GRPEL1: variants seen among roughly 807,000 people sequenced by gnomAD.
The protein encoded by GRPEL1 is GrpE like 1, mitochondrial.
GRPEL1 carries 13 observed loss-of-function variants against 22.1 expected under a neutral mutation model. The observed-to-expected ratio is 0.59, with a 90% CI of 0.38 to 0.94. The LOEUF is 0.94. Ranked by LOEUF, GRPEL1 falls within the 40% of genes least tolerant of loss-of-function variation. The probability of loss-of-function intolerance (pLI) is 0.00; values close to 1 mark genes in which losing one functional copy is unlikely to be tolerated. For synonymous variants in GRPEL1, 109 were observed against 105.3 expected, an observed-to-expected ratio of 1.03 and a Z score of -0.21; for missense variants, 289 against 264.6, an observed-to-expected ratio of 1.09 and a Z score of -0.64.
rs771105003 is a variant in GRPEL1 at position 7,060,664 on chromosome 4, G to A, written c.*198C>T. The A allele has an allele frequency of 6.6e-6, 4 of 604,460 alleles. No individual in the cohort carries two copies. In the East Asian group the frequency reaches 8.3e-5, roughly 12 times the overall value. 37.4% of individuals were successfully genotyped at this position (604,460 alleles called of 1,614,324 possible). ...AGTATGTGGAACTATTCAACGCGTG[G>A]CACTAAAAGGGAACAGACTCCCGAA... is the stretch of plus-strand genomic sequence containing the variant. On this transcript the variant is annotated 3_prime_UTR_variant, in exon 4 of 4. Coordinates refer to ENST00000264954, the MANE Select transcript of GRPEL1 (RefSeq NM_025196.4).
At chr4:7,067,572 T>C (rs1370332484) in intron 1 of GRPEL1, 3 of 251,686 alleles carry the variant, frequency 1.2e-5, no homozygotes, top group African/African-American at 6.9e-5. Flanking sequence ...TGGACAAAGC[T>C]CGAGCTTCTT....
chr4:7,065,626 T>C (rs1438047828), intron 1 of GRPEL1, among the ~76,000 whole-genome samples: 3 of 151,606 alleles, frequency 2.0e-5, no homozygotes, highest in African/African-American at 4.9e-5. Context: ...CATGAAAGGC[T>C]TTGTAGGATA....
rs1006281299 is a variant in GRPEL1 at position 7,068,011 on chromosome 4, A to G, written c.22T>C (p.Leu8=). The G allele has an allele frequency of 3.7e-6, 6 of 1,612,734 alleles. No individual in the cohort carries two copies. The highest frequency in any genetic ancestry group is 3.4e-6 in the Non-Finnish European group (4 of 1,179,764). The change falls in exon 1 of 4, where the codon TTG becomes CTG. Residue 8 remains leucine, a synonymous_variant. Transcript: ENST00000264954. MAAQCVR[L]ARRSLPALAL... ...AAAGCAGGAAGACTGCGCCGCGCCA[A>G]CCTCACGCACTGAGCCGCCATGACT...
rs760803999 is a variant in GRPEL1 at position 7,061,224 on chromosome 4, G to T, written c.308-16C>A. 9 of 1,592,742 alleles carry T rather than the reference G, an allele frequency of 5.7e-6. No individual in the cohort carries two copies. Among genetic ancestry groups the T allele is most frequent in the Admixed American group, 3.4e-5 (2 of 58,320 alleles). On this transcript the variant is annotated splice_polypyrimidine_tract_variant and intron_variant, in intron 3 of 3. Coordinates refer to ENST00000264954, the MANE Select transcript of GRPEL1 (RefSeq NM_025196.4). ...GCTTGAATGCCTGGATGAAGTTAAA[G>T]AAGATCATTTGCACTCCATACCAAC...
intron 2 of GRPEL1, 24 bp from the exon 3 acceptor site, chr4:7,062,490 TTA>T (rs59986387): frequency 5.5e-4 from 337 of 616,146 alleles, no homozygotes; most frequent in African/African-American, 2.1e-3. Flanking sequence ...AAAGGGATAT[TTA>T]TATATATATA....
chr4:7,066,672 C>G (rs1229821502), intron 1 of GRPEL1, among the ~76,000 whole-genome samples: 1 of 152,228 alleles, frequency 6.6e-6, no homozygotes, highest in African/African-American at 2.4e-5. Flanking sequence ...AGCCACCAGC[C>G]TTTCTGCAGG....
chr4:7,063,074 C>T (rs564711210), intron 2 of GRPEL1, among the ~76,000 whole-genome samples: 18 of 151,512 alleles, frequency 1.2e-4, no homozygotes, highest in Non-Finnish European at 1.8e-4. Flanking sequence ...CACCACCTTC[C>T]GGTAAGCTCA....
At position 7,068,016 on chromosome 4, in the gene GRPEL1, A is replaced by G; in HGVS notation, c.17T>C (p.Val6Ala). Residue 6 changes from valine to alanine, a missense_variant, in exon 1 of 4, where the codon GTG (valine) becomes GCG (alanine). Coordinates refer to ENST00000264954, the MANE Select transcript of GRPEL1 (RefSeq NM_025196.4). MAAQC[V>A]RLARRSLPAL... ...AGGAAGACTGCGCCGCGCCAACCTC[A>G]CGCACTGAGCCGCCATGACTGCCAC... 6.2e-7 allele frequency: 1 copy of G among 1,612,680 alleles called. No homozygotes were observed. The highest frequency in any genetic ancestry group is 1.7e-5 in the Admixed American group (1 of 59,974).
chr4:7,063,732 T>C (rs1724096390), intron 2 of GRPEL1, among the ~76,000 whole-genome samples: 1 of 152,242 alleles, frequency 6.6e-6, no homozygotes, highest in South Asian at 2.1e-4. Flanking sequence ...CTCCCAACTC[T>C]TGTACTTGCA....
intron 2 of GRPEL1, among the ~76,000 whole-genome samples, chr4:7,063,556 A>C (rs1215706455): frequency 6.6e-6 from 1 of 152,202 alleles, no homozygotes; most frequent in Non-Finnish European, 1.5e-5. Context: ...TAACATATGT[A>C]ACGGGTTTGG....
At chr4:7,061,230 C>A in intron 3 of GRPEL1, 22 bp from the exon 4 acceptor site, 1 of 1,580,328 alleles carries the variant, frequency 6.3e-7, no homozygotes, top group South Asian at 1.2e-5. Flanking sequence ...TAAAGAAGAT[C>A]ATTTGCACTC....
chr4:7,064,067 C>T lies in GRPEL1; in HGVS notation c.219G>A (p.Glu73=), dbSNP rs1180781877. The T allele has an allele frequency of 6.2e-7, 1 of 1,614,018 alleles. No homozygotes were observed. The change falls in exon 2 of 4, where the codon GAG becomes GAA. Residue 73 remains glutamate, a synonymous_variant. Coordinates refer to ENST00000264954, the MANE Select transcript of GRPEL1 (RefSeq NM_025196.4). ...GGAGCCTCACAGTCCTCACCACAGT[C>T]TCCTTCAGCTGTTCCTCCAACTTGA... ...EKVKLEEQLK[E]TVEKYKRALA... is the part of the protein sequence containing the mutation.
intron 1 of GRPEL1, among the ~76,000 whole-genome samples, chr4:7,064,547 T>G (rs1162500733): frequency 6.6e-6 from 1 of 152,172 alleles, no homozygotes; most frequent in African/African-American, 2.4e-5. Flanking sequence ...TTCTTTTTTT[T>G]TGAGAGAGAG....
Position 7,059,479 on chromosome 4 carries a change from A to C in GRPEL1, c.*1383T>G, listed in dbSNP as rs1021208628. ...GAAAACAGGCAGCGCTGGAGCTCCC[A>C]GTCATGTTTTCTTCAATACACGATG... On this transcript the variant is annotated 3_prime_UTR_variant, in exon 4 of 4. Transcript: ENST00000264954. 2 of 152,242 alleles carry C rather than the reference A, an allele frequency of 1.3e-5. No individual in the cohort carries two copies. The highest frequency in any genetic ancestry group is 4.8e-5 in the African/African-American group (2 of 41,468). The allele number at this position is 152,242 out of a possible 1,614,324, so 9.4% of individuals were successfully genotyped here.
rs773308882 is a variant in GRPEL1, at chr4:7,065,534, TA to T, written c.63-1312del. ...TGTCTCAAAAAAAAAAAAAAGTGAT[TA>T]AAAAAAAAAAGGGAACTAAGTGCTT... On this transcript the variant is annotated intron_variant, in intron 1 of 3. Transcript: ENST00000264954. 2.2e-3 allele frequency among the ~76,000 whole-genome samples: 315 copies of T among 141,876 alleles called. 2 individuals are homozygous for T. The highest frequency in any genetic ancestry group is 0.014 in the Middle Eastern group (4 of 278). 93.1% of individuals were successfully genotyped at this position (141,876 alleles called of 152,430 possible). A position where few individuals can be genotyped will look rare whatever the true frequency, so the allele number is the denominator to read the frequency against.
chr4:7,062,443 T>G lies in GRPEL1; in HGVS notation c.249A>C (p.Ala83=). 6.3e-7 allele frequency: 1 copy of G among 1,577,572 alleles called. No individual in the cohort carries two copies. The highest frequency in any genetic ancestry group is 1.7e-4 in the Middle Eastern group (1 of 5,924). The change falls in exon 3 of 4, where the codon GCA becomes GCC. Residue 83 remains alanine (A), a synonymous_variant. Transcript: ENST00000264954. ...ETVEKYKRAL[A]DTENLRQRSQ... Reference sequence around the variant, plus strand: ...TCCTCTGCCGTAAGTTCTCAGTGTCTGCCAAAGCTCGTTTATATTTTTCCT... The same window carrying G: ...TCCTCTGCCGTAAGTTCTCAGTGTCGGCCAAAGCTCGTTTATATTTTTCCT...
At chr4:7,066,534 G>C (rs969357496) in intron 1 of GRPEL1, among the ~76,000 whole-genome samples, 2 of 152,140 alleles carry the variant, frequency 1.3e-5, no homozygotes, top group African/African-American at 4.8e-5. Flanking sequence ...TTGCCATGGG[G>C]GTGGAGAGCG....
rs1486366378 is a variant in GRPEL1, at chr4:7,060,658, C to T, written c.*204G>A. On this transcript the variant is annotated 3_prime_UTR_variant, in exon 4 of 4. Transcript: ENST00000264954. ...TCTGAAAGTATGTGGAACTATTCAA[C>T]GCGTGGCACTAAAAGGGAACAGACT... The T allele has an allele frequency of 3.5e-5, 21 of 595,048 alleles. No homozygotes were observed. Among genetic ancestry groups the T allele is most frequent in the East Asian group, 2.8e-4 (10 of 35,762 alleles). 36.9% of individuals were successfully genotyped at this position (595,048 alleles called of 1,614,324 possible).
chr4:7,061,345 T>C (rs1389055871), intron 3 of GRPEL1, 137 bp from the exon 4 acceptor site: 5 of 663,476 alleles, frequency 7.5e-6, no homozygotes, highest in Non-Finnish European at 1.3e-5. Context: ...AATGGCTCAA[T>C]AACTTTAAAA....
Sources: allele counts gnomAD v4.1 joint callset (sites outside exome capture counted in the v4.1 genomes callset), GRCh38; gene constraint gnomAD v4.1.1; transcripts MANE v1.5; gene names NCBI Gene and HGNC (gene_info 2026-07-23, HGNC 2026-07-21).